ZFHX3: variants seen among roughly 807,000 people sequenced by gnomAD.
ZFHX3 encodes the protein zinc finger homeobox 3.
In ZFHX3, 42 loss-of-function variants were observed where a neutral mutation model predicts 279.1. That is an observed-to-expected ratio of 0.15 (90% CI 0.12 to 0.19). ZFHX3 has a LOEUF of 0.19. Among genes scored for constraint, ZFHX3 ranks in the 10% least tolerant of loss-of-function variants. ZFHX3 has a pLI of 1.00. For missense variants in ZFHX3, 4,981 were observed against 4,754.0 expected (o/e 1.05, Z -1.40); for synonymous variants, 2,293 against 1,957.8 (o/e 1.17, Z -4.52).
intron 5 of ZFHX3, among the ~76,000 whole-genome samples, chr16:73,154,915 T>C (rs1967035910): frequency 6.6e-6 from 1 of 152,158 alleles, no homozygotes; most frequent in Non-Finnish European, 1.5e-5. Flanking sequence ...GGCTCACGTC[T>C]GTAATCCTAG....
At chr16:72,872,002 A>T (rs2143963776) in intron 4 of ZFHX3, among the ~76,000 whole-genome samples, 1 of 152,102 alleles carries the variant, frequency 6.6e-6, no homozygotes, top group South Asian at 2.1e-4. Flanking sequence ...GGAGAATGGC[A>T]TGAACCCGGG....
At chr16:73,540,532 T>C (rs572515653) in intron 2 of ZFHX3, among the ~76,000 whole-genome samples, 1 of 152,232 alleles carries the variant, frequency 6.6e-6, no homozygotes, top group African/African-American at 2.4e-5. Flanking sequence ...ATCATTTGAG[T>C]AGAAGTAAAA....
intron 1 of ZFHX3, among the ~76,000 whole-genome samples, chr16:73,817,957 G>A (rs1324679405): frequency 1.3e-5 from 2 of 152,146 alleles, no homozygotes; most frequent in African/African-American, 4.8e-5. Context: ...CCACGGGAAG[G>A]CCAACAAAGC....
At chr16:73,665,079 C>T (rs1055960007) in intron 2 of ZFHX3, among the ~76,000 whole-genome samples, 32 of 152,160 alleles carry the variant, frequency 2.1e-4, no homozygotes, top group African/African-American at 6.3e-4. Context: ...CCTGCTCTCA[C>T]GGAGTTTACA....
At chr16:73,800,436 C>T (rs1487942193) in intron 1 of ZFHX3, among the ~76,000 whole-genome samples, 2 of 152,014 alleles carry the variant, frequency 1.3e-5, no homozygotes, top group African/African-American at 4.8e-5. Flanking sequence ...AGGCTGGTCT[C>T]GAACTCCTGA....
intron 1 of ZFHX3, among the ~76,000 whole-genome samples, chr16:73,803,293 T>C (rs760511271): frequency 1.3e-5 from 2 of 152,190 alleles, no homozygotes; most frequent in African/African-American, 2.4e-5. Flanking sequence ...ACATCAGTGT[T>C]GAGGTATGTT....
At chr16:73,137,250 C>T (rs1379406622) in intron 6 of ZFHX3, 2 of 152,046 alleles carry the variant, frequency 1.3e-5, no homozygotes, top group Non-Finnish European at 2.9e-5. Context: ...TCTCACCTAC[C>T]CCTTTCTTTT....
At chr16:73,726,015 G>C (rs1461337036) in intron 1 of ZFHX3, among the ~76,000 whole-genome samples, 1 of 152,180 alleles carries the variant, frequency 6.6e-6, no homozygotes, top group East Asian at 1.9e-4. Context: ...GGGGAGGGTA[G>C]ACAGGTAAAA....
chr16:73,700,012 C>G (rs1000779568), intron 1 of ZFHX3, among the ~76,000 whole-genome samples: 1 of 152,100 alleles, frequency 6.6e-6, no homozygotes, highest in African/African-American at 2.4e-5. Context: ...CACTTAAGCC[C>G]AGGAGTTCAA....
chr16:73,250,615 G>C (rs904639584), intron 5 of ZFHX3, among the ~76,000 whole-genome samples: 4 of 152,082 alleles, frequency 2.6e-5, no homozygotes, highest in Non-Finnish European at 5.9e-5. Flanking sequence ...CTCACTGCAA[G>C]CTCCAGCTCC....
At chr16:73,564,119 G>A (rs1007180424) in intron 2 of ZFHX3, among the ~76,000 whole-genome samples, 3 of 152,210 alleles carry the variant, frequency 2.0e-5, no homozygotes, top group Non-Finnish European at 4.4e-5. Context: ...GTGAGGGAGT[G>A]TTTGCTTCCT....
At chr16:73,747,582 TAAC>T (rs966737232) in intron 1 of ZFHX3, among the ~76,000 whole-genome samples, 13 of 152,198 alleles carry the variant, frequency 8.5e-5, no homozygotes, top group Non-Finnish European at 7.4e-5. Context: ...CCTATGGATT[TAAC>T]AACAACAACA....
intron 2 of ZFHX3, among the ~76,000 whole-genome samples, chr16:73,490,641 T>G (rs1318075266): frequency 6.6e-6 from 1 of 152,086 alleles, no homozygotes; most frequent in East Asian, 1.9e-4. Context: ...AGCTTGAGAC[T>G]AGCCTGGGAA....
intron 1 of ZFHX3, among the ~76,000 whole-genome samples, chr16:73,833,691 C>G (rs926537885): frequency 6.6e-6 from 1 of 151,810 alleles, no homozygotes; most frequent in South Asian, 2.1e-4. Flanking sequence ...CACCATGGCA[C>G]GTGTATACCT....
At chr16:73,224,732 A>C (rs1473843331) in intron 5 of ZFHX3, among the ~76,000 whole-genome samples, 1 of 152,200 alleles carries the variant, frequency 6.6e-6, no homozygotes, top group African/African-American at 2.4e-5. Context: ...CATGTATGGA[A>C]ACCTGAATGT....
intron 7 of ZFHX3, chr16:73,123,618 TA>T (rs935526440): frequency 6.6e-5 from 10 of 151,976 alleles, no homozygotes; most frequent in African/African-American, 2.4e-4. Flanking sequence ...GATGGTGAGC[TA>T]ATTAACAATT....
At chr16:73,230,926 G>A (rs1033583153) in intron 5 of ZFHX3, among the ~76,000 whole-genome samples, 3 of 152,212 alleles carry the variant, frequency 2.0e-5, no homozygotes, top group Non-Finnish European at 4.4e-5. Flanking sequence ...ATCCTCATGC[G>A]GAGGTCTCAC....
intron 1 of ZFHX3, among the ~76,000 whole-genome samples, chr16:72,993,594 C>T (rs975319735): frequency 6.6e-6 from 1 of 152,188 alleles, no homozygotes; most frequent in Non-Finnish European, 1.5e-5. Flanking sequence ...CGATGCCCAA[C>T]AGCACAGCAG....
At chr16:72,808,549 C>T (rs1189221813) in intron 7 of ZFHX3, among the ~76,000 whole-genome samples, 1 of 152,182 alleles carries the variant, frequency 6.6e-6, no homozygotes, top group Non-Finnish European at 1.5e-5. Flanking sequence ...AACTTTATTC[C>T]TGAATCCATT....
Sources: gnomAD v4.1 joint callset for allele counts (sites outside exome capture counted in the v4.1 genomes callset) on GRCh38, gnomAD v4.1.1 for gene constraint, MANE v1.5 for transcripts, NCBI Gene and HGNC (gene_info 2026-07-23, HGNC 2026-07-21) for gene names.